Variants in AMPH observed in about 807,000 individuals in gnomAD.
The protein encoded by AMPH is amphiphysin (Stiff-Mann syndrome with breast cancer 128kD autoantigen).
In AMPH, 49 loss-of-function variants were observed where a neutral mutation model predicts 99.1. The ratio of observed to expected loss-of-function variants is 0.49; its 90% confidence interval spans 0.39 to 0.63. AMPH has a LOEUF of 0.63. Among genes scored for constraint, AMPH ranks in the 20% least tolerant of loss-of-function variants. The pLI, the probability that AMPH is intolerant of heterozygous loss-of-function variation, is 0.00. For missense variants in AMPH, 759 were observed against 863.4 expected (o/e 0.88, Z 1.52); for synonymous variants, 314 against 317.3 (o/e 0.99, Z 0.11).
chr7:38,554,645 C>G (rs553812151), intron 1 of AMPH, among the ~76,000 whole-genome samples: 1 of 152,216 alleles, frequency 6.6e-6, no homozygotes, highest in East Asian at 1.9e-4. Context: ...TATGAGTGGG[C>G]TAGAAACCCA....
At chr7:38,514,738 G>A (rs1483565377) in intron 2 of AMPH, among the ~76,000 whole-genome samples, 2 of 152,170 alleles carry the variant, frequency 1.3e-5, no homozygotes, top group Non-Finnish European at 2.9e-5. Context: ...CTGATGCCAC[G>A]CCCTTGGTCT....
At chr7:38,504,126 C>G (rs1408314339) in intron 2 of AMPH, among the ~76,000 whole-genome samples, 1 of 152,104 alleles carries the variant, frequency 6.6e-6, no homozygotes, top group African/African-American at 2.4e-5. Context: ...GTATTTTATA[C>G]AACATATTTT....
In AMPH at chr7:38,406,713, CCTCTCTCTCTCCCTTTCCCTCTCTCT is replaced by C. The variant is rs1246164579; in HGVS notation, c.1398+11086_1398+11111del. On this transcript the variant is annotated intron_variant, in intron 17 of 20. Coordinates refer to ENST00000356264, the MANE Select transcript of AMPH (RefSeq NM_001635.4). Reference sequence around the variant, plus strand: ...GCTTGCTCTGAGTTCTCTCTCCTCTCCTCTCTCTCTCCCTTTCCCTCTCTCTCTCTCTCTCTCTCTCTCTCTCTCTC... The same window carrying C: ...GCTTGCTCTGAGTTCTCTCTCCTCTCCTCTCTCTCTCTCTCTCTCTCTCTC... 1.1e-4 allele frequency among the ~76,000 whole-genome samples: 12 copies of C among 111,106 alleles called. 1 individual carries two copies. The highest frequency in any genetic ancestry group is 3.7e-4 in the African/African-American group (11 of 29,340). The allele number at this position is 111,106 out of a possible 152,430, so 72.9% of individuals were successfully genotyped here.
At chr7:38,525,445 C>CGT (rs146505083) in intron 2 of AMPH, among the ~76,000 whole-genome samples, 33,616 of 125,250 alleles carry the variant, frequency 0.27, 4,261 homozygotes, top group East Asian at 0.4. Flanking sequence ...CTCATTTGTG[C>CGT]GTGTGTGTGT....
In AMPH at chr7:38,417,839, C is replaced by T. The variant is rs1341030537; in HGVS notation, c.1384G>A (p.Val462Met). ...GTGGTGCTCACCACTGCCTCCTCCA[C>T]TGGCTCCTCAGCCCGAGTGTCCATT... is the stretch of plus-strand genomic sequence containing the variant. ...LGMDTRAEEP[V>M]EEAVIIPGAD... The change falls in exon 17 of 21, where the codon GTG becomes ATG. Residue 462 changes from valine to methionine, a missense_variant. Physicochemically the swap from Val to Met is conservative, Grantham distance 21. Transcript: ENST00000356264. 5 of 1,614,048 alleles carry T rather than the reference C, an allele frequency of 3.1e-6. No homozygotes were observed. The highest frequency in any genetic ancestry group is 4.2e-6 in the Non-Finnish European group (5 of 1,179,938).
At chr7:38,464,123 G>A in intron 9 of AMPH, 15 of 1,289,712 alleles carry the variant, frequency 1.2e-5, no homozygotes, top group Non-Finnish European at 1.5e-5. Flanking sequence ...GAAAAAAAGT[G>A]AAAGGAACAT....
At chr7:38,606,566 C>G (rs1380560274) in intron 1 of AMPH, among the ~76,000 whole-genome samples, 1 of 97,276 alleles carries the variant, frequency 1.0e-5, no homozygotes, top group African/African-American at 4.2e-5. Context: ...ACGTCATTCT[C>G]TTTTTTTTTT....
chr7:38,495,166 G>A (rs139464377), intron 3 of AMPH, among the ~76,000 whole-genome samples: 257 of 152,162 alleles, frequency 1.7e-3, no homozygotes, highest in Non-Finnish European at 3.0e-3. Flanking sequence ...TAATTGATAC[G>A]ATGAATAATG....
At chr7:38,434,696 A>G (rs1055355520) in intron 12 of AMPH, among the ~76,000 whole-genome samples, 7 of 150,872 alleles carry the variant, frequency 4.6e-5, no homozygotes, top group African/African-American at 1.7e-4. Context: ...CCAAGATCGC[A>G]CCACTGCACT....
At chr7:38,536,293 T>C (rs988932018) in intron 1 of AMPH, among the ~76,000 whole-genome samples, 1 of 152,168 alleles carries the variant, frequency 6.6e-6, no homozygotes, top group Non-Finnish European at 1.5e-5. Context: ...AAGAACTCAT[T>C]TTCCTGCATA....
At chr7:38,403,196 GAAA>G (rs1784889992) in intron 17 of AMPH, among the ~76,000 whole-genome samples, 1 of 152,164 alleles carries the variant, frequency 6.6e-6, no homozygotes, top group Non-Finnish European at 1.5e-5. Flanking sequence ...AGTTCCCATG[GAAA>G]TAAGCTGGGG....
At chr7:38,469,816 C>A (rs1266017344) in intron 7 of AMPH, among the ~76,000 whole-genome samples, 1 of 152,138 alleles carries the variant, frequency 6.6e-6, no homozygotes, top group Non-Finnish European at 1.5e-5. Flanking sequence ...CTAGGGACCC[C>A]AGCATTCTAT....
chr7:38,476,131 T>C (rs74598988), intron 6 of AMPH, among the ~76,000 whole-genome samples: 79 of 152,302 alleles, frequency 5.2e-4, no homozygotes, highest in African/African-American at 1.9e-3. Flanking sequence ...TTCTGGCTCA[T>C]GGTATGTTTA....
chr7:38,550,261 G>A (rs1791133866), intron 1 of AMPH, among the ~76,000 whole-genome samples: 1 of 152,198 alleles, frequency 6.6e-6, no homozygotes, highest in Non-Finnish European at 1.5e-5. Flanking sequence ...TGCTAGAAAT[G>A]CAGTATCTCA....
chr7:38,466,124 C>T (rs371553842), intron 8 of AMPH, 49 bp downstream of exon 8: 17 of 1,433,422 alleles, frequency 1.2e-5, no homozygotes, highest in African/African-American at 7.2e-5. Context: ...CCAAAATAAA[C>T]CTTCCTTTAC....
intron 13 of AMPH, among the ~76,000 whole-genome samples, chr7:38,430,914 T>C (rs920248932): frequency 1.3e-4 from 20 of 152,216 alleles, no homozygotes; most frequent in African/African-American, 3.9e-4. Context: ...AGAAAGAAAG[T>C]GGCAATGTCA....
At position 38,432,275 on chromosome 7, in the gene AMPH, G is replaced by A. The variant is rs1786060874; in HGVS notation, c.1135-63C>T. On this transcript the variant is annotated intron_variant, in intron 12 of 20. Coordinates refer to ENST00000356264, the MANE Select transcript of AMPH (RefSeq NM_001635.4). ...AATCTAAAACATAAAAAAATGCTGA[G>A]GTGACAAAAGTTCTTGAAATCATAA... 39 of 1,443,518 alleles carry A rather than the reference G, an allele frequency of 2.7e-5. No homozygotes were observed. The South Asian group carries it at 4.3e-4, about 16-fold the overall frequency. The allele number at this position is 1,443,518 out of a possible 1,614,324, so 89.4% of individuals were successfully genotyped here.
intron 2 of AMPH, among the ~76,000 whole-genome samples, chr7:38,509,370 C>T (rs3807405): frequency 0.1 from 15,527 of 152,202 alleles, 1,224 homozygotes; most frequent in East Asian, 0.28. Flanking sequence ...TCACCAATTC[C>T]AGGAATATCT....
At chr7:38,611,397 C>G (rs1211694483) in intron 1 of AMPH, among the ~76,000 whole-genome samples, 1 of 152,146 alleles carries the variant, frequency 6.6e-6, no homozygotes, top group Non-Finnish European at 1.5e-5. Context: ...CAACACTGTA[C>G]CCTATAGTTA....
Sources: allele counts gnomAD v4.1 joint callset (sites outside exome capture counted in the v4.1 genomes callset), GRCh38; gene constraint gnomAD v4.1.1; transcripts MANE v1.5; gene names NCBI Gene and HGNC (gene_info 2026-07-23, HGNC 2026-07-21).